Variants in UNC13B observed in about 807,000 individuals in gnomAD.
UNC13B encodes the protein unc-13 homolog B, also known as protein unc-13 homolog B.
UNC13B carries 144 observed loss-of-function variants against 211.0 expected under a neutral mutation model. The ratio of observed to expected loss-of-function variants is 0.68; its 90% confidence interval spans 0.60 to 0.78. The LOEUF (loss-of-function observed/expected upper bound fraction) is 0.78, where lower values mean the gene tolerates loss of function less well. Among genes scored for constraint, UNC13B ranks in the 30% least tolerant of loss-of-function variants. UNC13B has a pLI of 0.00. For missense variants in UNC13B, 1,777 were observed against 2,002.0 expected (o/e 0.89, Z 2.14); for synonymous variants, 709 against 725.8 (o/e 0.98, Z 0.37).
chr9:35,267,374 A>G (rs1160540080), intron 7 of UNC13B, among the ~76,000 whole-genome samples: 1 of 152,182 alleles, frequency 6.6e-6, no homozygotes, highest in East Asian at 1.9e-4. Flanking sequence ...GGAGACCTGG[A>G]CTATCTTGAT....
chr9:35,297,844 C>T (rs970212132), intron 8 of UNC13B, among the ~76,000 whole-genome samples: 7 of 152,024 alleles, frequency 4.6e-5, no homozygotes, highest in African/African-American at 1.4e-4. Context: ...CCACCGCGCC[C>T]GGCCCCTACT....
chr9:35,342,509 G>A (rs1564149434), intron 11 of UNC13B, among the ~76,000 whole-genome samples: 1 of 152,106 alleles, frequency 6.6e-6, no homozygotes, highest in Non-Finnish European at 1.5e-5. Context: ...ATGCCGCACT[G>A]GGGTAGAATC....
intron 5 of UNC13B, among the ~76,000 whole-genome samples, chr9:35,239,198 A>AT (rs1296147745): frequency 6.6e-6 from 1 of 152,114 alleles, no homozygotes; most frequent in Non-Finnish European, 1.5e-5. Flanking sequence ...ATCAGGGGAA[A>AT]TTCAGCCCCC....
chr9:35,280,074 C>T (rs1310089324), intron 7 of UNC13B, among the ~76,000 whole-genome samples: 1 of 152,042 alleles, frequency 6.6e-6, no homozygotes, highest in African/African-American at 2.4e-5. Context: ...TGTCTTTCTG[C>T]TTACATGTTA....
intron 6 of UNC13B, among the ~76,000 whole-genome samples, chr9:35,247,108 T>C (rs1826146865): frequency 6.6e-6 from 1 of 152,172 alleles, no homozygotes; most frequent in Admixed American, 6.5e-5. Context: ...TTATTCTCTT[T>C]GAAGCAACTG....
chr9:35,259,030 C>A lies in UNC13B; in HGVS notation c.506C>A (p.Pro169His), dbSNP rs777935396. ...GAAGAAAGCCAGAGGAAGCCATTGC[C>A]CACTGCTGCCGCCCAGTGTTGTAAG... ...SQEESQRKPL[P>H]TAAAQCSFED... Residue 169 changes from proline (P) to histidine (H), a missense_variant, in exon 7 of 40, where the codon CCC (proline) becomes CAC (histidine). Pro to His is a moderately conservative substitution (Grantham distance 77). Transcript: ENST00000635942. 7 of 1,613,730 alleles carry A rather than the reference C, an allele frequency of 4.3e-6. No individual in the cohort carries two copies. The highest frequency in any genetic ancestry group is 5.9e-6 in the Non-Finnish European group (7 of 1,179,942).
intron 14 of UNC13B, 121 bp downstream of exon 14, chr9:35,375,322 T>A: frequency 4.7e-6 from 5 of 1,069,910 alleles, no homozygotes; most frequent in Non-Finnish European, 7.1e-6. Context: ...ACATTGCTGA[T>A]GAAAAAGATA....
intron 17 of UNC13B, among the ~76,000 whole-genome samples, chr9:35,379,481 A>G (rs1355755063): frequency 1.3e-5 from 2 of 152,132 alleles, no homozygotes; most frequent in Non-Finnish European, 2.9e-5. Context: ...GGATTAGGAT[A>G]TAGTAAAATT....
chr9:35,371,349 CTTTT>C (rs751513784), intron 13 of UNC13B, among the ~76,000 whole-genome samples: 1 of 138,832 alleles, frequency 7.2e-6, no homozygotes, highest in Non-Finnish European at 1.6e-5. Context: ...TTCTTTCTTT[CTTTT>C]TTTTTTTTTT....
At position 35,326,834 on chromosome 9, in the gene UNC13B, A is replaced by C. The variant is rs928085246; in HGVS notation, c.9414+12845A>C. 1.1e-4 allele frequency among the ~76,000 whole-genome samples: 16 copies of C among 152,272 alleles called. No individual in the cohort carries two copies. In the East Asian group the frequency reaches 3.1e-3, roughly 29 times the overall value. The stretch of plus-strand genomic sequence containing the variant: ...TTGTACAGCAGGTAACTGAAACCAC[A>C]GAAAGCAAAACAGTGGCTAAGGAGG... On this transcript the variant is annotated intron_variant, in intron 11 of 39. Transcript: ENST00000635942.
At position 35,291,145 on chromosome 9, in the gene UNC13B, A is replaced by G. The variant is rs1404922190; in HGVS notation, c.527-4551A>G. The G allele has an allele frequency of 7.8e-6, 12 of 1,541,830 alleles. No individual in the cohort carries two copies. In the South Asian group the frequency reaches 1.3e-4, roughly 17 times the overall value. On this transcript the variant is annotated intron_variant, in intron 7 of 39. Transcript: ENST00000635942. Reference sequence around the variant, plus strand: ...AATTCCTTATCATTTTCTTGATCTTACCCACAAAGTACATACTCCCTCTGA... The same window carrying G: ...AATTCCTTATCATTTTCTTGATCTTGCCCACAAAGTACATACTCCCTCTGA...
Position 35,352,439 on chromosome 9 carries a change from C to T in UNC13B, c.9415-14508C>T, listed in dbSNP as rs552930658. On this transcript the variant is annotated intron_variant, in intron 11 of 39. Transcript: ENST00000635942. ...AGTCCGAATTGCCACCAGAGAAGAACCAAGCTGCCCACAGGGTAATAAGAA... is the reference window on the plus strand; with the variant it reads ...AGTCCGAATTGCCACCAGAGAAGAATCAAGCTGCCCACAGGGTAATAAGAA... 1.4e-5 allele frequency: 17 copies of T among 1,232,084 alleles called. No homozygotes were observed. In the African/African-American group the frequency reaches 2.0e-4, roughly 15 times the overall value. The allele number at this position is 1,232,084 out of a possible 1,614,324, so 76.3% of individuals were successfully genotyped here.
intron 1 of UNC13B, among the ~76,000 whole-genome samples, chr9:35,226,862 T>G (rs1824873883): frequency 6.6e-6 from 1 of 151,778 alleles, no homozygotes; most frequent in South Asian, 2.1e-4. Context: ...CCAGGAACAA[T>G]ACTTTGCATC....
chr9:35,188,506 G>A lies in UNC13B; in HGVS notation c.22+26201G>A, dbSNP rs553831070. Among the ~76,000 whole-genome samples the A allele has an allele frequency of 2.0e-5, 3 of 152,106 alleles. No individual in the cohort carries two copies. In the East Asian group the frequency reaches 5.8e-4, roughly 29 times the overall value. ...ACCAAAATATAACTTAAAGAATATCGGACATCATTTTGGCAATCTTATGTG... is the reference window on the plus strand; with the variant it reads ...ACCAAAATATAACTTAAAGAATATCAGACATCATTTTGGCAATCTTATGTG... On this transcript the variant is annotated intron_variant, in intron 1 of 39. Transcript: ENST00000635942.
chr9:35,397,648 T>C lies in UNC13B; in HGVS notation c.11690T>C (p.Val3897Ala), dbSNP rs752138036. ...TCCTCTTCTCAGACCATCGGGAAGGTGCTGATGCAGTATGCAGACATCTTG... is the reference window on the plus strand; with the variant it reads ...TCCTCTTCTCAGACCATCGGGAAGGCGCTGATGCAGTATGCAGACATCTTG... The part of the protein sequence containing the change: ...MRRFAKTIGK[V>A]LMQYADILSK... Residue 3897 changes from valine (V) to alanine (A), a missense_variant, in exon 30 of 40, where the codon GTG becomes GCG. Physicochemically the swap from Val to Ala is moderately conservative, Grantham distance 64. Coordinates refer to ENST00000635942, the MANE Select transcript of UNC13B (RefSeq NM_001371189.2). 1 of 1,613,764 alleles carries C rather than the reference T, an allele frequency of 6.2e-7. No individual in the cohort carries two copies. The highest frequency in any genetic ancestry group is 8.5e-7 in the Non-Finnish European group (1 of 1,179,876).
chr9:35,225,039 A>AT (rs1824756119), intron 1 of UNC13B, among the ~76,000 whole-genome samples: 1 of 152,216 alleles, frequency 6.6e-6, no homozygotes, highest in African/African-American at 2.4e-5. Context: ...AACATACCTC[A>AT]ACACAGTAGA....
At chr9:35,320,225 A>G (rs1337588910) in intron 11 of UNC13B, among the ~76,000 whole-genome samples, 1 of 152,114 alleles carries the variant, frequency 6.6e-6, no homozygotes, top group Admixed American at 6.5e-5. Flanking sequence ...TTTTTGGTAG[A>G]ACAATTTGTT....
rs1829815809 is a variant in UNC13B at position 35,304,120 on chromosome 9, T to C, written c.4716T>C (p.Gly1572=). 5.0e-6 allele frequency: 2 copies of C among 398,740 alleles called. No individual in the cohort carries two copies. Among genetic ancestry groups the C allele is most frequent in the African/African-American group, 2.1e-5 (1 of 48,638 alleles). The allele number at this position is 398,740 out of a possible 1,614,324, so 24.7% of individuals were successfully genotyped here. ...EYLDCDLQTN[G]LSSITLDDSI... is the part of the protein sequence containing the mutation. Reference sequence around the variant, plus strand: ...TGGATTGTGATTTACAGACAAATGGTCTATCAAGTATTACGTTGGATGACA... The same window carrying C: ...TGGATTGTGATTTACAGACAAATGGCCTATCAAGTATTACGTTGGATGACA... Residue 1572 remains glycine, a synonymous_variant, in exon 9 of 40, where the codon GGT becomes GGC. Coordinates refer to ENST00000635942, the MANE Select transcript of UNC13B (RefSeq NM_001371189.2).
At chr9:35,172,480 C>T (rs1003861561) in intron 1 of UNC13B, among the ~76,000 whole-genome samples, 2 of 151,902 alleles carry the variant, frequency 1.3e-5, no homozygotes, top group African/African-American at 4.8e-5. Flanking sequence ...CTCCTGTTTC[C>T]TTTCATATAC....
Sources: gnomAD v4.1 joint callset for allele counts (sites outside exome capture counted in the v4.1 genomes callset) on GRCh38, gnomAD v4.1.1 for gene constraint, MANE v1.5 for transcripts, NCBI Gene and HGNC (gene_info 2026-07-23, HGNC 2026-07-21) for gene names.